ZFP1: variants seen among roughly 807,000 people sequenced by gnomAD.
ZFP1 encodes the protein ZFP1 zinc finger protein.
A neutral mutation model predicts 38.5 loss-of-function variants in ZFP1; 32 were observed. That is an observed-to-expected ratio of 0.83 (90% CI 0.63 to 1.12). The LOEUF (loss-of-function observed/expected upper bound fraction) is 1.12, where lower values mean the gene tolerates loss of function less well. ZFP1 is among the 50% of genes most tolerant of loss of function. The pLI, the probability that ZFP1 is intolerant of heterozygous loss-of-function variation, is 0.00. For missense variants in ZFP1, 616 were observed against 480.8 expected (o/e 1.28, Z -2.63); for synonymous variants, 245 against 168.8 (o/e 1.45, Z -3.50).
the ZFP1 span, among the ~76,000 whole-genome samples, chr16:75,125,315 TTTTGTTTG>T: frequency 1.3e-5 from 2 of 152,112 alleles, no homozygotes; most frequent in Non-Finnish European, 2.9e-5. Flanking sequence ...CTGTATGTAC[TTTTGTTTG>T]TTTGTTTGTT....
upstream of ZFP1, among the ~76,000 whole-genome samples, chr16:75,145,512 G>A (rs2036933386): frequency 6.6e-6 from 1 of 152,118 alleles, no homozygotes; most frequent in Non-Finnish European, 1.5e-5. Context: ...AGACCATTGT[G>A]GCCCACCCTG....
At chr16:75,166,964 G>T (rs954372849) in intron 3 of ZFP1, 68 bp downstream of exon 3, 1 of 1,547,994 alleles carries the variant, frequency 6.5e-7, no homozygotes, top group Non-Finnish European at 8.7e-7. Flanking sequence ...TCAGTGACCA[G>T]AAATGAGCTT....
chr16:75,151,624 T>C (rs968975399), intron 1 of ZFP1, among the ~76,000 whole-genome samples: 2 of 152,322 alleles, frequency 1.3e-5, no homozygotes, highest in East Asian at 1.9e-4. Flanking sequence ...CCTCCCGTCT[T>C]TTGCATTATT....
chr16:75,156,877 C>T (rs2037493504), intron 2 of ZFP1, among the ~76,000 whole-genome samples: 1 of 152,168 alleles, frequency 6.6e-6, no homozygotes, highest in South Asian at 2.1e-4. Flanking sequence ...TAAGCCAAAC[C>T]AAGTACAGTT....
In ZFP1 at chr16:75,161,775, T is replaced by TATATATATATATATATATATA. The variant is rs59261786; in HGVS notation, c.16-4995_16-4994insATATATATATATATATATATA. 5.6e-3 allele frequency among the ~76,000 whole-genome samples: 35 copies of TATATATATATATATATATATA among 6,236 alleles called. 1 individual carries two copies. The highest frequency in any genetic ancestry group is 5.8e-3 in the Non-Finnish European group (18 of 3,088). 4.1% of individuals were successfully genotyped at this position (6,236 alleles called of 152,430 possible). A position where few individuals can be genotyped will look rare whatever the true frequency, so the allele number is the denominator to read the frequency against. ...TTTATGAAATATATATATATATATA[T>TATATATATATATATATATATA]TTTTTTTTTTTTTTTTTTTTTTTTT... On this transcript the variant is annotated intron_variant, in intron 2 of 3. Coordinates refer to ENST00000570010, the MANE Select transcript of ZFP1 (RefSeq NM_153688.4).
chr16:75,167,915 G>A (rs1433086987), intron 3 of ZFP1, among the ~76,000 whole-genome samples: 1 of 152,134 alleles, frequency 6.6e-6, no homozygotes, highest in Non-Finnish European at 1.5e-5. Context: ...ACAACATGGT[G>A]AAAACCCCTC....
rs142000893 is a variant in ZFP1, at chr16:75,158,883, C to T, written c.15+5917C>T. 7.9e-4 allele frequency among the ~76,000 whole-genome samples: 117 copies of T among 147,856 alleles called. 1 individual carries two copies. Among genetic ancestry groups the T allele is most frequent in the African/African-American group, 2.7e-3 (109 of 40,398 alleles). On this transcript the variant is annotated intron_variant, in intron 2 of 3. Transcript: ENST00000570010. ...CATCTGCTCCTTTTGGGTTGTTTATCTCTTGATTGTTTTTGTCTTGTCTTT... is the reference window on the plus strand; with the variant it reads ...CATCTGCTCCTTTTGGGTTGTTTATTTCTTGATTGTTTTTGTCTTGTCTTT...
the ZFP1 span, among the ~76,000 whole-genome samples, chr16:75,124,006 A>C: frequency 6.6e-6 from 1 of 151,646 alleles, no homozygotes; most frequent in Non-Finnish European, 1.5e-5. Flanking sequence ...AGGGAGGAGA[A>C]TCACTTGAAC....
upstream of ZFP1, among the ~76,000 whole-genome samples, chr16:75,147,704 A>G (rs1176552339): frequency 6.6e-6 from 1 of 152,118 alleles, no homozygotes; most frequent in Non-Finnish European, 1.5e-5. Flanking sequence ...TGGGAATTCA[A>G]TGTATTTTCT....
the ZFP1 span, among the ~76,000 whole-genome samples, chr16:75,123,762 G>C: frequency 6.7e-6 from 1 of 149,658 alleles, no homozygotes; most frequent in Non-Finnish European, 1.5e-5. Context: ...ACAGGTGTGA[G>C]CCACCACACA....
chr16:75,165,998 A>T (rs748011683), intron 2 of ZFP1, among the ~76,000 whole-genome samples: 1 of 152,226 alleles, frequency 6.6e-6, no homozygotes, highest in Non-Finnish European at 1.5e-5. Flanking sequence ...TCAACCATGT[A>T]TTTTTTAAAA....
chr16:75,131,716 C>T, the ZFP1 span, among the ~76,000 whole-genome samples: 1 of 152,306 alleles, frequency 6.6e-6, no homozygotes, highest in Non-Finnish European at 1.5e-5. Flanking sequence ...GTAATCCCAG[C>T]ACTTTGGGAG....
Position 75,152,908 on chromosome 16 carries a change from GT to G in ZFP1, c.-42del, listed in dbSNP as rs770212075. The G allele has an allele frequency of 6.2e-7, 1 of 1,612,428 alleles. No homozygotes were observed. ...ATGCCTTCCTTTTTCCTCTATTCCA[GT>G]TCTGCCTTCATAGTTCTCTGCCTTT... On this transcript the variant is annotated splice_region_variant and 5_prime_UTR_variant, in exon 2 of 4. Coordinates refer to ENST00000570010, the MANE Select transcript of ZFP1 (RefSeq NM_153688.4).
chr16:75,154,654 G>A (rs2145512542), intron 2 of ZFP1, among the ~76,000 whole-genome samples: 1 of 150,732 alleles, frequency 6.6e-6, no homozygotes, highest in African/African-American at 2.4e-5. Context: ...GAAGGAAGAG[G>A]CTCCCCTGAC....
chr16:75,167,230 A>T (rs2038139947), intron 3 of ZFP1, among the ~76,000 whole-genome samples: 1 of 152,234 alleles, frequency 6.6e-6, no homozygotes, highest in Non-Finnish European at 1.5e-5. Context: ...GAGAAGCAGA[A>T]GCCAGTGGAA....
upstream of ZFP1, among the ~76,000 whole-genome samples, chr16:75,147,547 A>T (rs561217703): frequency 2.6e-3 from 391 of 151,730 alleles, 4 homozygotes; most frequent in African/African-American, 9.2e-3. Flanking sequence ...TCAGGCTCCC[A>T]AAGTGCTAGG....
chr16:75,138,456 G>A, the ZFP1 span, among the ~76,000 whole-genome samples: 1 of 152,178 alleles, frequency 6.6e-6, no homozygotes, highest in Non-Finnish European at 1.5e-5. Flanking sequence ...GGATGATCAA[G>A]GTCGATATTA....
chr16:75,151,727 A>C (rs2037213130), intron 1 of ZFP1, among the ~76,000 whole-genome samples: 1 of 152,150 alleles, frequency 6.6e-6, no homozygotes, highest in South Asian at 2.1e-4. Context: ...ACAGTGATTA[A>C]AAGCAAGAAA....
chr16:75,145,910 C>T (rs141577482), upstream of ZFP1, among the ~76,000 whole-genome samples: 311 of 152,290 alleles, frequency 2.0e-3, 1 homozygote, highest in Non-Finnish European at 2.5e-3. Flanking sequence ...AGCTGGTTAA[C>T]GCTTAGCTGT....
Sources: allele counts gnomAD v4.1 joint callset (sites outside exome capture counted in the v4.1 genomes callset), GRCh38; gene constraint gnomAD v4.1.1; transcripts MANE v1.5; gene names NCBI Gene and HGNC (gene_info 2026-07-23, HGNC 2026-07-21).